MYH15: variants seen among roughly 807,000 people sequenced by gnomAD.
MYH15 encodes the protein myosin-15.
MYH15 carries 227 observed loss-of-function variants against 240.5 expected under a neutral mutation model. The ratio of observed to expected loss-of-function variants is 0.94; its 90% CI spans 0.85 to 1.05. The LOEUF (loss-of-function observed/expected upper bound fraction) is 1.05. Ranked by LOEUF, MYH15 falls within the 50% of genes least tolerant of loss-of-function variation. The pLI, the probability that MYH15 is intolerant of heterozygous loss-of-function variation, is 0.00. For missense variants in MYH15, 2,217 were observed against 2,247.5 expected, an observed-to-expected ratio of 0.99 and a Z score of 0.27; for synonymous variants, 785 against 796.7, an observed-to-expected ratio of 0.99 and a Z score of 0.25.
chr3:108,506,464 C>A (rs896620809), intron 1 of MYH15, among the ~76,000 whole-genome samples: 1 of 152,234 alleles, frequency 6.6e-6, no homozygotes, highest in African/African-American at 2.4e-5. Flanking sequence ...AGCAAAGTAG[C>A]CCTCCATAAA....
At chr3:108,467,548 C>T (rs2083130644) in intron 14 of MYH15, among the ~76,000 whole-genome samples, 1 of 152,112 alleles carries the variant, frequency 6.6e-6, no homozygotes, top group Non-Finnish European at 1.5e-5. Context: ...CCAATTTTCT[C>T]TTGAGGCTGG....
intron 14 of MYH15, 87 bp from the exon 15 acceptor site, chr3:108,464,901 C>T: frequency 8.3e-7 from 1 of 1,208,024 alleles, no homozygotes; most frequent in Non-Finnish European, 1.1e-6. Flanking sequence ...TCCCAGGAAC[C>T]TAATCAGTTG....
At chr3:108,476,552 G>T (rs1278026206) in intron 11 of MYH15, 37 bp from the exon 12 acceptor site, 2 of 1,330,318 alleles carry the variant, frequency 1.5e-6, no homozygotes, top group East Asian at 2.3e-5. Context: ...AAGGAGAGAG[G>T]AAAACACTGT....
chr3:108,442,313 C>T lies in MYH15; in HGVS notation c.2656-1053G>A, dbSNP rs140205417. Reference sequence around the variant, plus strand: ...GGAGAATGGCTGCCTACCCAGCAAACGGGGCTCAAAGAAGCACAGATGGAG... The same window carrying T: ...GGAGAATGGCTGCCTACCCAGCAAATGGGGCTCAAAGAAGCACAGATGGAG... On this transcript the variant is annotated intron_variant, in intron 22 of 40. Transcript: ENST00000693548. 7.2e-3 allele frequency among the ~76,000 whole-genome samples: 1,092 copies of T among 152,036 alleles called. 11 individuals are homozygous for T. The highest frequency in any genetic ancestry group is 0.023 in the African/African-American group (954 of 41,460).
intron 21 of MYH15, among the ~76,000 whole-genome samples, chr3:108,448,582 T>TC (rs2082947989): frequency 6.6e-6 from 1 of 151,968 alleles, no homozygotes; most frequent in African/African-American, 2.4e-5. Flanking sequence ...AGATTTAACA[T>TC]CCATCCATTC....
Position 108,424,715 on chromosome 3 carries a change from C to T in MYH15, c.3703-3501G>A, listed in dbSNP as rs138321398. 2.9e-3 allele frequency among the ~76,000 whole-genome samples: 449 copies of T among 152,292 alleles called. 4 individuals carry two copies. The highest frequency in any genetic ancestry group is 0.01 in the African/African-American group (432 of 41,560). ...GTACCACTCAGCATTGGCATTCTTG[C>T]CATTATAATTCATAAAATGATAAAG... is the stretch of plus-strand genomic sequence containing the variant. On this transcript the variant is annotated intron_variant, in intron 27 of 40. Coordinates refer to ENST00000693548, the MANE Select transcript of MYH15 (RefSeq NM_014981.3).
At chr3:108,432,975 A>G (rs2082792635) in intron 25 of MYH15, among the ~76,000 whole-genome samples, 1 of 152,130 alleles carries the variant, frequency 6.6e-6, no homozygotes, top group African/African-American at 2.4e-5. Context: ...GTGGAAGTGT[A>G]AGAAGAGGGC....
intron 40 of MYH15, among the ~76,000 whole-genome samples, chr3:108,382,124 T>C (rs1234088753): frequency 6.6e-6 from 1 of 152,170 alleles, no homozygotes; most frequent in African/African-American, 2.4e-5. Flanking sequence ...CTGAATGCAA[T>C]TGCAGCACAT....
intron 12 of MYH15, among the ~76,000 whole-genome samples, chr3:108,475,375 G>A (rs2083211835): frequency 6.6e-6 from 1 of 152,134 alleles, no homozygotes; most frequent in African/African-American, 2.4e-5. Flanking sequence ...TACTGTGAAT[G>A]CTTTATCCAT....
chr3:108,458,966 A>G (rs867533947), intron 18 of MYH15, among the ~76,000 whole-genome samples: 9 of 152,206 alleles, frequency 5.9e-5, no homozygotes, highest in African/African-American at 1.2e-4. Context: ...GTCAATTTAG[A>G]TAACTCAGAC....
chr3:108,452,299 A>G (rs1236722302), intron 21 of MYH15, among the ~76,000 whole-genome samples: 2 of 152,314 alleles, frequency 1.3e-5, no homozygotes, highest in Non-Finnish European at 1.5e-5. Flanking sequence ...TTGTTATCAG[A>G]AAATGGAGTA....
Position 108,399,266 on chromosome 3 carries a change from T to G in MYH15, c.4738A>C (p.Arg1580=). 1 of 1,605,052 alleles carries G rather than the reference T, an allele frequency of 6.2e-7. No individual in the cohort carries two copies. The highest frequency in any genetic ancestry group is 1.1e-5 in the South Asian group (1 of 90,170). ...EKDEEIENFR[R]KQQCTIDSLQ... is the part of the protein sequence containing the mutation. ...GAGTCAATGGTACACTGCTGCTTCC[T>G]CCTAATTTGAAATAACATTTGGAGT... Residue 1580 remains arginine (R), a splice_region_variant and synonymous_variant, in exon 34 of 41, where the codon AGG becomes CGG. Transcript: ENST00000693548.
rs55971936 is a variant in MYH15, at chr3:108,505,838, CAAA to C, written c.89-12_89-10del. On this transcript the variant is annotated splice_polypyrimidine_tract_variant and intron_variant, in intron 1 of 40. Transcript: ENST00000693548. ...CCAGCATTTCTTCTTCCCTGTAGAG[CAAA>C]AAAAAAAAAAAATGGATTATAGCTA... 5.3e-3 allele frequency: 6,652 copies of C among 1,261,234 alleles called. No individual in the cohort carries two copies. Among genetic ancestry groups the C allele is most frequent in the South Asian group, 9.6e-3 (670 of 69,684 alleles). 78.1% of individuals were successfully genotyped at this position (1,261,234 alleles called of 1,614,324 possible).
Position 108,498,009 on chromosome 3 carries a change from T to C in MYH15, c.618+43A>G, listed in dbSNP as rs368002277. The C allele has an allele frequency of 7.8e-5, 122 of 1,556,788 alleles. 3 individuals are homozygous for C. The South Asian group carries it at 1.2e-3, about 15-fold the overall frequency. On this transcript the variant is annotated intron_variant, in intron 6 of 40. Transcript: ENST00000693548. Reference sequence around the variant, plus strand: ...GACACAACCTCCATGATCCAGTGGATAGGGCCACCTCATCTTTTCTACCAA... The same window carrying C: ...GACACAACCTCCATGATCCAGTGGACAGGGCCACCTCATCTTTTCTACCAA...
intron 26 of MYH15, among the ~76,000 whole-genome samples, chr3:108,429,137 T>C (rs374599103): frequency 6.6e-5 from 10 of 152,142 alleles, no homozygotes; most frequent in African/African-American, 2.2e-4. Context: ...GAAAGCTTAG[T>C]AAAGAGCACT....
chr3:108,526,728 G>A (rs143320043), intron 1 of MYH15, among the ~76,000 whole-genome samples: 1 of 152,284 alleles, frequency 6.6e-6, no homozygotes, highest in African/African-American at 2.4e-5. Context: ...TCCAGTGGAA[G>A]GGTCTGGCTG....
chr3:108,464,391 C>T (rs1390038211), intron 15 of MYH15, among the ~76,000 whole-genome samples: 3 of 152,214 alleles, frequency 2.0e-5, no homozygotes, highest in Non-Finnish European at 4.4e-5. Context: ...CTTTCTGAAG[C>T]TGCCTTGCTT....
At chr3:108,507,856 A>G (rs1253825354) in intron 1 of MYH15, among the ~76,000 whole-genome samples, 2 of 152,076 alleles carry the variant, frequency 1.3e-5, no homozygotes, top group African/African-American at 2.4e-5. Context: ...TGTCTATGAA[A>G]ATATGCTTGT....
chr3:108,414,534 C>T (rs780269176), intron 29 of MYH15, 106 bp from the exon 30 acceptor site: 1 of 957,830 alleles, frequency 1.0e-6, no homozygotes, highest in Non-Finnish European at 1.5e-6. Flanking sequence ...CAACCTGCCA[C>T]AAATTCAAGC....
Sources: gnomAD v4.1 joint callset for allele counts (sites outside exome capture counted in the v4.1 genomes callset) on GRCh38, gnomAD v4.1.1 for gene constraint, MANE v1.5 for transcripts, NCBI Gene and HGNC (gene_info 2026-07-23, HGNC 2026-07-21) for gene names.